The following CTNNA3 variants were observed in gnomAD, a reference collection of about 807,000 sequenced individuals.
CTNNA3 encodes the protein catenin alpha-3.
In CTNNA3, 76 loss-of-function variants were observed where a neutral mutation model predicts 95.7. That is an observed-to-expected ratio of 0.79 (90% CI 0.66 to 0.96). The LOEUF is 0.96. CTNNA3 is among the 40% of genes least tolerant of loss of function. CTNNA3 has a pLI of 0.00. For synonymous variants in CTNNA3, 431 were observed against 374.4 expected (o/e 1.15, Z -1.74); for missense variants, 1,191 against 1,089.8 (o/e 1.09, Z -1.31).
chr10:66,040,179 T>C (rs1045048517), intron 15 of CTNNA3, among the ~76,000 whole-genome samples: 1 of 151,576 alleles, frequency 6.6e-6, no homozygotes, highest in Non-Finnish European at 1.5e-5. Context: ...AACGAGATAC[T>C]GTCTTGCACC....
intron 5 of CTNNA3, among the ~76,000 whole-genome samples, chr10:67,408,578 A>T (rs918844330): frequency 1.4e-4 from 21 of 152,156 alleles, no homozygotes; most frequent in African/African-American, 5.1e-4. Flanking sequence ...TATATATAAA[A>T]ATCAACTCAA....
chr10:67,509,897 G>C (rs1176621573), intron 5 of CTNNA3, among the ~76,000 whole-genome samples: 1 of 152,166 alleles, frequency 6.6e-6, no homozygotes, highest in Non-Finnish European at 1.5e-5. Context: ...ACTGGCGTGA[G>C]ATGGTATCTC....
chr10:67,533,670 C>T (rs1840405120), intron 4 of CTNNA3, among the ~76,000 whole-genome samples: 2 of 152,130 alleles, frequency 1.3e-5, no homozygotes, highest in South Asian at 2.1e-4. Flanking sequence ...TTTGGCAGTA[C>T]TTGTCCATTT....
At chr10:66,384,268 G>T (rs2456756) in intron 11 of CTNNA3, among the ~76,000 whole-genome samples, 2 of 151,444 alleles carry the variant, frequency 1.3e-5, no homozygotes, top group Non-Finnish European at 2.9e-5. Context: ...CAAGCAAATG[G>T]AAAACAAAAA....
intron 7 of CTNNA3, among the ~76,000 whole-genome samples, chr10:66,885,048 C>T (rs1402193381): frequency 6.6e-6 from 1 of 152,082 alleles, no homozygotes; most frequent in Non-Finnish European, 1.5e-5. Flanking sequence ...CACCCAAGAA[C>T]CTGAAGCAAT....
chr10:67,586,259 G>A (rs951826583), intron 3 of CTNNA3, among the ~76,000 whole-genome samples: 2 of 152,054 alleles, frequency 1.3e-5, no homozygotes, highest in African/African-American at 2.4e-5. Flanking sequence ...CTATCTTGGA[G>A]AACATTCCAT....
chr10:65,943,956 A>C (rs1388741766), intron 17 of CTNNA3, among the ~76,000 whole-genome samples: 4 of 152,210 alleles, frequency 2.6e-5, no homozygotes, highest in African/African-American at 4.8e-5. Flanking sequence ...TTAATCTTCA[A>C]GTTGGAAAAC....
chr10:66,416,585 T>C (rs928849418), intron 11 of CTNNA3, among the ~76,000 whole-genome samples: 2 of 151,714 alleles, frequency 1.3e-5, no homozygotes, highest in African/African-American at 4.8e-5. Flanking sequence ...TAGTCACCTA[T>C]AAGAAACCTC....
intron 15 of CTNNA3, among the ~76,000 whole-genome samples, chr10:65,993,997 G>A (rs1029206208): frequency 6.6e-6 from 1 of 152,130 alleles, no homozygotes; most frequent in Non-Finnish European, 1.5e-5. Flanking sequence ...GCCTCCCAAA[G>A]TGCTGAGATT....
In CTNNA3 at chr10:67,077,792, C is replaced by T. The variant is rs541288603; in HGVS notation, c.1047+102525G>A. ...GACAGTAGGTGGCATATTATACATA[C>T]TCAATGATCATTTATTAAATGAATG... On this transcript the variant is annotated intron_variant, in intron 7 of 17. Transcript: ENST00000433211. 6.1e-4 allele frequency among the ~76,000 whole-genome samples: 93 copies of T among 151,978 alleles called. 1 individual carries two copies. The highest frequency in any genetic ancestry group is 2.1e-3 in the African/African-American group (85 of 41,428).
At chr10:67,142,518 C>T (rs1860616917) in intron 7 of CTNNA3, among the ~76,000 whole-genome samples, 1 of 152,014 alleles carries the variant, frequency 6.6e-6, no homozygotes, top group South Asian at 2.1e-4. Flanking sequence ...CACAATAAAG[C>T]AAGTCACATG....
intron 7 of CTNNA3, among the ~76,000 whole-genome samples, chr10:66,953,364 G>A (rs1436647996): frequency 2.0e-5 from 3 of 152,162 alleles, no homozygotes; most frequent in Admixed American, 6.6e-5. Flanking sequence ...GCTCACTGCC[G>A]GTTGTCTGAA....
chr10:66,246,868 C>T (rs4746562), intron 13 of CTNNA3, among the ~76,000 whole-genome samples: 34,907 of 151,364 alleles, frequency 0.23, 4,208 homozygotes, highest in South Asian at 0.3. Flanking sequence ...CTGGCTAACA[C>T]GGTGAAACCC....
At chr10:66,386,577 C>G (rs1217533726) in intron 11 of CTNNA3, among the ~76,000 whole-genome samples, 1 of 152,142 alleles carries the variant, frequency 6.6e-6, no homozygotes, top group African/African-American at 2.4e-5. Flanking sequence ...ACTTTCTTCA[C>G]AGAATTGGAG....
intron 7 of CTNNA3, among the ~76,000 whole-genome samples, chr10:66,795,199 T>C (rs1841140616): frequency 6.6e-6 from 1 of 152,184 alleles, no homozygotes; most frequent in Non-Finnish European, 1.5e-5. Flanking sequence ...TTTGCCCAGA[T>C]GACCAGAGTT....
At chr10:67,603,200 C>A (rs1179261648) in intron 3 of CTNNA3, among the ~76,000 whole-genome samples, 1 of 152,200 alleles carries the variant, frequency 6.6e-6, no homozygotes, top group African/African-American at 2.4e-5. Context: ...ATGACCTGGG[C>A]TCAGCTTTGC....
intron 12 of CTNNA3, among the ~76,000 whole-genome samples, chr10:66,346,211 G>GTATATATATATATATA (rs368554085): frequency 1.9e-5 from 2 of 105,490 alleles, no homozygotes; most frequent in Non-Finnish European, 3.8e-5. Flanking sequence ...ATGTGTGTGT[G>GTATATATATATATATA]TATATATATA....
intron 11 of CTNNA3, among the ~76,000 whole-genome samples, chr10:66,384,638 A>G (rs566695093): frequency 1.4e-4 from 21 of 152,298 alleles, no homozygotes; most frequent in African/African-American, 4.8e-4. Flanking sequence ...CAGAATATAC[A>G]TTATTTTCAT....
chr10:67,343,171 G>C (rs533703028), intron 5 of CTNNA3, among the ~76,000 whole-genome samples: 2 of 152,042 alleles, frequency 1.3e-5, no homozygotes, highest in Non-Finnish European at 2.9e-5. Flanking sequence ...GGCTGGTCTC[G>C]AACTCCTGAC....
Sources: allele counts gnomAD v4.1 joint callset (sites outside exome capture counted in the v4.1 genomes callset), GRCh38; gene constraint gnomAD v4.1.1; transcripts MANE v1.5; gene names NCBI Gene and HGNC (gene_info 2026-07-23, HGNC 2026-07-21).